MAST4: variants seen among roughly 807,000 people sequenced by gnomAD.
MAST4 encodes the protein microtubule associated serine/threonine kinase family member 4, also known as microtubule-associated serine/threonine-protein kinase 4.
In MAST4, 89 loss-of-function variants were observed where a neutral mutation model predicts 162.7. The ratio of observed to expected loss-of-function variants is 0.55; its 90% CI spans 0.46 to 0.65. MAST4 has a LOEUF of 0.65. Among genes scored for constraint, MAST4 ranks in the 30% least tolerant of loss-of-function variants. The pLI, the probability that MAST4 is intolerant of heterozygous loss-of-function variation, is 0.00. For missense variants in MAST4, 3,153 were observed against 3,374.0 expected (o/e 0.93, Z 1.62); for synonymous variants, 1,479 against 1,361.1 (o/e 1.09, Z -1.91).
intron 1 of MAST4, among the ~76,000 whole-genome samples, chr5:66,692,445 C>G (rs1749108497): frequency 1.3e-5 from 2 of 148,944 alleles, no homozygotes; most frequent in South Asian, 4.2e-4. Context: ...TAGGGCTGTC[C>G]TGAGTCACAT....
Position 67,166,361 on chromosome 5 carries a change from G to T in MAST4, c.7182G>T (p.Val2394=), listed in dbSNP as rs1460675048. ...GDKLEAGLSF[V]HSENRLKGAE... is the part of the protein sequence containing the mutation. Reference sequence around the variant, plus strand: ...AGCTCGAGGCCGGCCTTTCCTTTGTGCATAGCGAGAACCGGTTGAAAGGCG... The same window carrying T: ...AGCTCGAGGCCGGCCTTTCCTTTGTTCATAGCGAGAACCGGTTGAAAGGCG... Residue 2394 remains valine (V), a synonymous_variant, in exon 29 of 29, where the codon GTG becomes GTT. Transcript: ENST00000403625. 2 of 1,610,988 alleles carry T rather than the reference G, an allele frequency of 1.2e-6. No individual in the cohort carries two copies. Among genetic ancestry groups the T allele is most frequent in the South Asian group, 2.2e-5 (2 of 90,378 alleles).
At chr5:67,013,809 AT>A (rs1163593529) in intron 4 of MAST4, among the ~76,000 whole-genome samples, 1 of 152,210 alleles carries the variant, frequency 6.6e-6, no homozygotes, top group African/African-American at 2.4e-5. Context: ...GGAAAAAATT[AT>A]GTTTGGCATG....
intron 2 of MAST4, among the ~76,000 whole-genome samples, chr5:66,764,192 C>T (rs1344719321): frequency 6.6e-6 from 1 of 152,184 alleles, no homozygotes; most frequent in Non-Finnish European, 1.5e-5. Flanking sequence ...CTGGGCCCTA[C>T]TGGGCTTGGT....
At chr5:66,879,361 CATATAT>C (rs70987144) in intron 3 of MAST4, among the ~76,000 whole-genome samples, 2,703 of 55,048 alleles carry the variant, frequency 0.049, 29 homozygotes, top group South Asian at 0.21. Context: ...CACACACACA[CATATAT>C]ATATATATAT....
chr5:66,820,356 A>G lies in MAST4; in HGVS notation c.642+31562A>G, dbSNP rs542512612. On this transcript the variant is annotated intron_variant, in intron 3 of 28. Transcript: ENST00000403625. ...CTTCAGTAAATATACATGTTAACAT[A>G]TGAGTTTCTAAAGCTTTTCAATTGA... is the stretch of plus-strand genomic sequence containing the variant. 6.6e-5 allele frequency among the ~76,000 whole-genome samples: 10 copies of G among 152,340 alleles called. No individual in the cohort carries two copies. In the South Asian group the frequency reaches 1.0e-3, roughly 16 times the overall value.
At chr5:66,981,026 G>C (rs967112273) in intron 4 of MAST4, among the ~76,000 whole-genome samples, 3 of 152,142 alleles carry the variant, frequency 2.0e-5, no homozygotes, top group Non-Finnish European at 2.9e-5. Context: ...AGAAAAAATA[G>C]TGCTGGACTG....
At position 67,135,191 on chromosome 5, in the gene MAST4, T is replaced by G. The variant is rs1277750901; in HGVS notation, c.2392+503T>G. On this transcript the variant is annotated intron_variant, in intron 18 of 28. Coordinates refer to ENST00000403625, the MANE Select transcript of MAST4 (RefSeq NM_001164664.2). ...GAAAGAAGCAAGTTGAATCCACAGATTGTTAATGATTTCATTGGTAGTTGT... is the reference window on the plus strand; with the variant it reads ...GAAAGAAGCAAGTTGAATCCACAGAGTGTTAATGATTTCATTGGTAGTTGT... 2.6e-5 allele frequency among the ~76,000 whole-genome samples: 4 copies of G among 152,352 alleles called. No homozygotes were observed. In the East Asian group the frequency reaches 5.8e-4, roughly 22 times the overall value.
At chr5:66,628,528 G>A (rs1159900510) in intron 1 of MAST4, among the ~76,000 whole-genome samples, 3 of 152,030 alleles carry the variant, frequency 2.0e-5, no homozygotes, top group Non-Finnish European at 2.9e-5. Flanking sequence ...TTCTACTAGT[G>A]CTCAGAGGAG....
chr5:66,626,357 A>T (rs1744428317), intron 1 of MAST4, among the ~76,000 whole-genome samples: 1 of 152,168 alleles, frequency 6.6e-6, no homozygotes, highest in Non-Finnish European at 1.5e-5. Context: ...TTAAATACAC[A>T]GTTTTCATGT....
chr5:66,642,815 C>T (rs1007067099), intron 1 of MAST4, among the ~76,000 whole-genome samples: 4 of 152,170 alleles, frequency 2.6e-5, no homozygotes, highest in Non-Finnish European at 5.9e-5. Flanking sequence ...GTGTATTGCA[C>T]TCTCTTACAA....
intron 4 of MAST4, chr5:67,001,455 A>T (rs538530061): frequency 1.3e-5 from 2 of 151,354 alleles, no homozygotes; most frequent in Admixed American, 6.5e-5. Flanking sequence ...AATGCAAAAA[A>T]AAAAAATAAA....
rs147340654 is a variant in MAST4 at position 67,016,854 on chromosome 5, G to A, written c.675-37550G>A. 4.6e-3 allele frequency among the ~76,000 whole-genome samples: 700 copies of A among 152,224 alleles called. 3 individuals carry two copies. The highest frequency in any genetic ancestry group is 0.014 in the African/African-American group (602 of 41,530). Reference sequence around the variant, plus strand: ...ATCTACACATTTCAAAATCCATGCCGATCTTGTAATAATGCATATAGTTCA... The same window carrying A: ...ATCTACACATTTCAAAATCCATGCCAATCTTGTAATAATGCATATAGTTCA... On this transcript the variant is annotated intron_variant, in intron 4 of 28. Transcript: ENST00000403625.
In MAST4 at chr5:67,142,227, T is replaced by C; in HGVS notation, c.2607T>C (p.Ser869=). The C allele has an allele frequency of 6.2e-7, 1 of 1,613,778 alleles. No homozygotes were observed. Among genetic ancestry groups the C allele is most frequent in the South Asian group, 1.1e-5 (1 of 91,076 alleles). The stretch of plus-strand genomic sequence containing the variant: ...AACTGGAATCTGAGGATGACACAAG[T>C]TATTTTGATAGTATGTGCTTTATCT... ...IPQLESEDDT[S]YFDTRSEKYH... Residue 869 remains serine (S), a synonymous_variant, in exon 20 of 29, where the codon AGT becomes AGC. Transcript: ENST00000403625.
chr5:67,097,133 G>A (rs533858525), intron 7 of MAST4, among the ~76,000 whole-genome samples: 1 of 152,112 alleles, frequency 6.6e-6, no homozygotes, highest in Non-Finnish European at 1.5e-5. Context: ...AGAAAAATAG[G>A]GGTGAGTTCA....
chr5:66,998,373 T>C (rs940033242), intron 4 of MAST4, among the ~76,000 whole-genome samples: 3 of 152,206 alleles, frequency 2.0e-5, no homozygotes, highest in African/African-American at 7.2e-5. Context: ...AATTTAGCAC[T>C]TCATACACAA....
chr5:66,941,949 G>C (rs1192709245), intron 4 of MAST4, among the ~76,000 whole-genome samples: 2 of 152,042 alleles, frequency 1.3e-5, no homozygotes, highest in African/African-American at 4.8e-5. Context: ...ACAATTATCA[G>C]TTAAGTTCAT....
intron 4 of MAST4, among the ~76,000 whole-genome samples, chr5:66,957,549 T>C (rs1211285303): frequency 2.0e-5 from 3 of 152,212 alleles, no homozygotes; most frequent in Non-Finnish European, 4.4e-5. Context: ...TCAGTGACTA[T>C]ATTTCAAGTA....
chr5:66,946,934 C>T lies in MAST4; in HGVS notation c.674+46952C>T, dbSNP rs116254825. The stretch of plus-strand genomic sequence containing the variant: ...TTTTTTATGCCCTCCCCACTTTAGA[C>T]GTCCACTTTCTTTTTCATTGGCTGC... On this transcript the variant is annotated intron_variant, in intron 4 of 28. Coordinates refer to ENST00000403625, the MANE Select transcript of MAST4 (RefSeq NM_001164664.2). Among the ~76,000 whole-genome samples the T allele has an allele frequency of 4.5e-3, 683 of 152,130 alleles. 3 individuals carry two copies. Among genetic ancestry groups the T allele is most frequent in the African/African-American group, 0.015 (629 of 41,512 alleles).
intron 4 of MAST4, among the ~76,000 whole-genome samples, chr5:67,045,462 T>C (rs1757248930): frequency 6.6e-6 from 1 of 152,208 alleles, no homozygotes; most frequent in Non-Finnish European, 1.5e-5. Context: ...AAATGGAGAA[T>C]AACTCAGGAG....
Sources: gnomAD v4.1 joint callset for allele counts (sites outside exome capture counted in the v4.1 genomes callset) on GRCh38, gnomAD v4.1.1 for gene constraint, MANE v1.5 for transcripts, NCBI Gene and HGNC (gene_info 2026-07-23, HGNC 2026-07-21) for gene names.